Variants in SLC6A11 observed in about 807,000 individuals in gnomAD.
The protein encoded by SLC6A11 is solute carrier family 6 member 11, also known as sodium- and chloride-dependent GABA transporter 3.
In SLC6A11, 25 loss-of-function variants were observed where a neutral mutation model predicts 74.8. The ratio of observed to expected loss-of-function variants is 0.33; its 90% confidence interval spans 0.24 to 0.47. The LOEUF is 0.47. Ranked by LOEUF, SLC6A11 falls within the 20% of genes least tolerant of loss-of-function variation. SLC6A11 has a pLI of 1.00. For missense variants in SLC6A11, 574 were observed against 837.0 expected (o/e 0.69, Z 3.88); for synonymous variants, 330 against 330.2 (o/e 1.00, Z 0.01).
intron 6 of SLC6A11, 45 bp from the exon 7 acceptor site, chr3:10,912,045 A>C (rs1297445409): frequency 7.7e-7 from 1 of 1,297,058 alleles, no homozygotes; most frequent in East Asian, 2.3e-5. Context: ...CTCTCACCAC[A>C]CATCTGACTT....
At chr3:10,835,617 G>A (rs1694356815) in intron 4 of SLC6A11, among the ~76,000 whole-genome samples, 1 of 152,158 alleles carries the variant, frequency 6.6e-6, no homozygotes, top group South Asian at 2.1e-4. Flanking sequence ...CCACAGAGGG[G>A]CAGCGCAGGC....
At chr3:10,934,899 A>G (rs1695738087) in intron 12 of SLC6A11, 130 bp from the exon 13 acceptor site, 9 of 780,328 alleles carry the variant, frequency 1.2e-5, no homozygotes, top group African/African-American at 3.5e-5. Context: ...CTCACTTTTC[A>G]TGGCTGTGAA....
chr3:10,933,341 C>T, intron 11 of SLC6A11, 88 bp downstream of exon 11: 1 of 900,352 alleles, frequency 1.1e-6, no homozygotes, highest in East Asian at 2.4e-5. Context: ...CTCTGGTTCT[C>T]TGTGGCTTAT....
intron 6 of SLC6A11, among the ~76,000 whole-genome samples, chr3:10,882,891 T>C (rs1319052702): frequency 6.6e-6 from 1 of 152,112 alleles, no homozygotes; most frequent in Non-Finnish European, 1.5e-5. Context: ...GTGGGGCAAG[T>C]GTGCACATGA....
At chr3:10,858,917 A>G (rs1694669802) in intron 5 of SLC6A11, among the ~76,000 whole-genome samples, 2 of 152,180 alleles carry the variant, frequency 1.3e-5, no homozygotes, top group Non-Finnish European at 2.9e-5. Flanking sequence ...ATGGCTCTGG[A>G]AAGGAATGGA....
At chr3:10,901,228 A>C (rs893225102) in intron 6 of SLC6A11, among the ~76,000 whole-genome samples, 2 of 152,220 alleles carry the variant, frequency 1.3e-5, no homozygotes, top group African/African-American at 4.8e-5. Flanking sequence ...GCTTTGGTAA[A>C]ATGGGGCTCA....
At position 10,926,268 on chromosome 3, in the gene SLC6A11, C is replaced by CT. The variant is rs1164361270; in HGVS notation, c.1233+154dup. 1 of 612,126 alleles carries CT rather than the reference C, an allele frequency of 1.6e-6. No individual in the cohort carries two copies. The highest frequency in any genetic ancestry group is 2.7e-5 in the East Asian group (1 of 37,014). The allele number at this position is 612,126 out of a possible 1,614,324, so 37.9% of individuals were successfully genotyped here. A position where few individuals can be genotyped will look rare whatever the true frequency, so the allele number is the denominator to read the frequency against. On this transcript the variant is annotated intron_variant, in intron 9 of 13. Transcript: ENST00000254488. The surrounding 1 kb of genome is among the most constrained non-coding windows in gnomAD (Gnocchi z 5.7). ...CCACCGTCCCCCATTCCACCCTCCA[C>CT]TTCCCTCCCAGCAACTCTTGCACCC...
At chr3:10,909,350 G>T (rs1366059678) in intron 6 of SLC6A11, among the ~76,000 whole-genome samples, 1 of 152,062 alleles carries the variant, frequency 6.6e-6, no homozygotes, top group Non-Finnish European at 1.5e-5. Context: ...TTTCAGCGTT[G>T]ATGTGCCCAA....
At chr3:10,899,746 A>G (rs778127834) in intron 6 of SLC6A11, among the ~76,000 whole-genome samples, 2 of 152,192 alleles carry the variant, frequency 1.3e-5, no homozygotes, top group Non-Finnish European at 2.9e-5. Flanking sequence ...GTATGGTGTC[A>G]TTTTCCTCCT....
At chr3:10,829,219 A>C (rs1230719877) in intron 4 of SLC6A11, among the ~76,000 whole-genome samples, 1 of 152,228 alleles carries the variant, frequency 6.6e-6, no homozygotes, top group African/African-American at 2.4e-5. Context: ...TTGCCTTACC[A>C]ACCTCTCCAG....
At chr3:10,896,740 T>G (rs147104522) in intron 6 of SLC6A11, among the ~76,000 whole-genome samples, 1 of 152,276 alleles carries the variant, frequency 6.6e-6, no homozygotes, top group East Asian at 1.9e-4. Context: ...GATGGGGAGC[T>G]TCATTCTTTC....
rs570681604 is a variant in SLC6A11, at chr3:10,924,184, C to T, written c.1121-1820C>T. 3.9e-5 allele frequency among the ~76,000 whole-genome samples: 6 copies of T among 152,148 alleles called. No individual in the cohort carries two copies. The East Asian group carries it at 7.7e-4, about 20-fold the overall frequency. Reference sequence around the variant, plus strand: ...GGCAGAATATGAATAAGCTCTGTGGCGTAATTAATGGTATTATACCAATAT... The same window carrying T: ...GGCAGAATATGAATAAGCTCTGTGGTGTAATTAATGGTATTATACCAATAT... On this transcript the variant is annotated intron_variant, in intron 8 of 13. Transcript: ENST00000254488.
At chr3:10,868,237 G>A (rs942187687) in intron 5 of SLC6A11, among the ~76,000 whole-genome samples, 2 of 152,102 alleles carry the variant, frequency 1.3e-5, no homozygotes, top group African/African-American at 4.8e-5. Context: ...GCCCCACACT[G>A]CCCTGCTTTT....
At chr3:10,864,282 C>G (rs1480380130) in intron 5 of SLC6A11, among the ~76,000 whole-genome samples, 1 of 151,580 alleles carries the variant, frequency 6.6e-6, no homozygotes, top group African/African-American at 2.4e-5. Flanking sequence ...TGTTAGATTT[C>G]TTACCCCAGC....
intron 7 of SLC6A11, among the ~76,000 whole-genome samples, chr3:10,913,047 G>A (rs1191316380): frequency 2.9e-5 from 4 of 138,072 alleles, no homozygotes; most frequent in Non-Finnish European, 6.3e-5. Context: ...AAGGAAGGAA[G>A]GTTGCCTTTT....
chr3:10,858,859 A>T (rs562171140), intron 5 of SLC6A11, among the ~76,000 whole-genome samples: 30 of 152,338 alleles, frequency 2.0e-4, no homozygotes, highest in African/African-American at 7.2e-4. Flanking sequence ...AATATCTAAG[A>T]CTTGGTCCTG....
chr3:10,913,804 C>T (rs1695418697), intron 7 of SLC6A11, among the ~76,000 whole-genome samples: 1 of 152,212 alleles, frequency 6.6e-6, no homozygotes, highest in East Asian at 1.9e-4. Flanking sequence ...CGCCATTCTC[C>T]TGCCTCAGCC....
intron 7 of SLC6A11, among the ~76,000 whole-genome samples, chr3:10,916,497 T>C (rs569229652): frequency 6.6e-6 from 1 of 152,278 alleles, no homozygotes; most frequent in South Asian, 2.1e-4. Context: ...CAAGCCAGGC[T>C]CAAGTCAGCT....
intron 6 of SLC6A11, among the ~76,000 whole-genome samples, chr3:10,884,640 C>G (rs904248149): frequency 2.0e-5 from 3 of 152,150 alleles, no homozygotes; most frequent in Admixed American, 2.0e-4. Flanking sequence ...CTATCCCTGC[C>G]CAGTCCTGGG....
Sources: gnomAD v4.1 joint callset for allele counts (sites outside exome capture counted in the v4.1 genomes callset) on GRCh38, gnomAD v4.1.1 for gene constraint, Gnocchi (gnomAD v3.1) non-coding constraint, MANE v1.5 for transcripts, NCBI Gene and HGNC (gene_info 2026-07-23, HGNC 2026-07-21) for gene names.